METAP2: variants seen among roughly 807,000 people sequenced by gnomAD.
The protein encoded by METAP2 is methionine aminopeptidase 2.
A neutral mutation model predicts 59.4 loss-of-function variants in METAP2; 25 were observed. The ratio of observed to expected loss-of-function variants is 0.42; its 90% CI spans 0.31 to 0.59. METAP2 has a LOEUF of 0.59. Among genes scored for constraint, METAP2 ranks in the 20% least tolerant of loss-of-function variants. METAP2 has a pLI of 0.16. For synonymous variants in METAP2, 214 were observed against 194.1 expected (o/e 1.10, Z -0.85); for missense variants, 366 against 581.2 (o/e 0.63, Z 3.81).
At chr12:95,488,339 A>C (rs1255666343) in intron 4 of METAP2, among the ~76,000 whole-genome samples, 1 of 151,412 alleles carries the variant, frequency 6.6e-6, no homozygotes, top group Non-Finnish European at 1.5e-5. Flanking sequence ...GTCTCTACTA[A>C]AAATAAAAAA....
chr12:95,478,806 A>G (rs1462966037), intron 2 of METAP2, among the ~76,000 whole-genome samples: 4 of 152,168 alleles, frequency 2.6e-5, no homozygotes, highest in African/African-American at 9.6e-5. Flanking sequence ...AAACCAAACA[A>G]AGGAACTATT....
intron 3 of METAP2, 140 bp downstream of exon 3, chr12:95,483,420 A>G (rs2076173627): frequency 3.5e-6 from 2 of 577,316 alleles, no homozygotes; most frequent in East Asian, 3.1e-5. Context: ...AGATTGCAGT[A>G]AGCTGAGATT....
At position 95,494,119 on chromosome 12, in the gene METAP2, G is replaced by T. The variant is rs147951626; in HGVS notation, c.492G>T (p.Glu164Asp). Residue 164 changes from glutamate to aspartate, a missense_variant, in exon 5 of 11, where the codon GAG (glutamate) becomes GAT (aspartate). By Grantham distance (45) the Glu-to-Asp change is conservative (BLOSUM62 2). This residue lies in a region of METAP2 where 106 missense variants were observed against 221.9 expected (regional missense o/e 0.48). Coordinates refer to ENST00000323666, the MANE Select transcript of METAP2 (RefSeq NM_006838.4). ...EKKALDQASE[E>D]IWNDFREAAE... ...AAGCATTAGATCAGGCAAGTGAAGA[G>T]ATTTGGAATGATTTTCGAGAAGCTG... is the stretch of plus-strand genomic sequence containing the variant. 2.8e-4 allele frequency: 445 copies of T among 1,614,026 alleles called. 2 individuals carry two copies. In the East Asian group the frequency reaches 8.2e-3, roughly 30 times the overall value.
At chr12:95,486,993 C>T (rs1298930776) in intron 4 of METAP2, among the ~76,000 whole-genome samples, 2 of 152,208 alleles carry the variant, frequency 1.3e-5, no homozygotes, top group African/African-American at 2.4e-5. Context: ...CCAGTTCTGA[C>T]ATTTATTAGC....
At chr12:95,512,434 C>T (rs892927348) in intron 9 of METAP2, among the ~76,000 whole-genome samples, 3 of 152,164 alleles carry the variant, frequency 2.0e-5, no homozygotes, top group African/African-American at 4.8e-5. Flanking sequence ...AGGCCAGGCT[C>T]GGTAGCTCAG....
intron 8 of METAP2, among the ~76,000 whole-genome samples, chr12:95,506,550 C>T (rs999184933): frequency 5.9e-5 from 9 of 152,052 alleles, no homozygotes; most frequent in Admixed American, 2.0e-4. Flanking sequence ...CCGCCCGCCT[C>T]GGCTTCCCAC....
chr12:95,482,183 C>T (rs1458553643), intron 2 of METAP2: 2 of 452,930 alleles, frequency 4.4e-6, no homozygotes, highest in South Asian at 1.6e-5. Context: ...GATCTCAGCT[C>T]ACTGCAGCCT....
chr12:95,498,402 C>A (rs1004892301), intron 7 of METAP2, among the ~76,000 whole-genome samples: 1 of 151,992 alleles, frequency 6.6e-6, no homozygotes, highest in African/African-American at 2.4e-5. Flanking sequence ...CCTTTTTACT[C>A]CGGATATTGT....
At chr12:95,477,839 T>G (rs1302083222) in intron 2 of METAP2, among the ~76,000 whole-genome samples, 1 of 152,214 alleles carries the variant, frequency 6.6e-6, no homozygotes, top group African/African-American at 2.4e-5. Flanking sequence ...GTGCCAAGAT[T>G]CAAGGGAATT....
In METAP2 at chr12:95,512,930, C is replaced by T. The variant is rs200820149; in HGVS notation, c.1184+14C>T. 4.3e-5 allele frequency: 63 copies of T among 1,468,202 alleles called. No individual in the cohort carries two copies. Among genetic ancestry groups the T allele is most frequent in the Non-Finnish European group, 5.3e-5 (56 of 1,051,450 alleles). 90.9% of individuals were successfully genotyped at this position (1,468,202 alleles called of 1,614,324 possible). A position where few individuals can be genotyped will look rare whatever the true frequency, so the allele number is the denominator to read the frequency against. On this transcript the variant is annotated intron_variant, in intron 10 of 10. Transcript: ENST00000323666. ...TGTGCCAATAAGGTGAGAGACGAGACGATTGATTTTATGTGGCTAATTAGC... is the reference window on the plus strand; with the variant it reads ...TGTGCCAATAAGGTGAGAGACGAGATGATTGATTTTATGTGGCTAATTAGC...
At chr12:95,496,190 CT>C (rs1412896299) in intron 7 of METAP2, 92 bp downstream of exon 7, 2 of 727,232 alleles carry the variant, frequency 2.8e-6, no homozygotes, top group Non-Finnish European at 2.3e-6. Context: ...CTTTTAAGGC[CT>C]GTTTAAGGGC....
rs1186527236 is a variant in METAP2 at position 95,515,592 on chromosome 12, A to G, written c.*1688A>G. 2 of 152,226 alleles carry G rather than the reference A, an allele frequency of 1.3e-5. No individual in the cohort carries two copies. The allele number at this position is 152,226 out of a possible 1,614,324, so 9.4% of individuals were successfully genotyped here. A position where few individuals can be genotyped will look rare whatever the true frequency, so the allele number is the denominator to read the frequency against. On this transcript the variant is annotated 3_prime_UTR_variant, in exon 11 of 11. Transcript: ENST00000323666. The stretch of plus-strand genomic sequence containing the variant: ...CCTTGGCAGTCATGATCTCAAACCA[A>G]TTAGGAGCTCCAAGCTCCCTTCCCA...
At chr12:95,506,373 G>A (rs566944681) in intron 8 of METAP2, among the ~76,000 whole-genome samples, 91 of 142,772 alleles carry the variant, frequency 6.4e-4, no homozygotes, top group African/African-American at 2.2e-3. Flanking sequence ...CTTGGTTCAC[G>A]GCAACCTCCG....
intron 1 of METAP2, among the ~76,000 whole-genome samples, chr12:95,475,573 G>A (rs1458237063): frequency 6.6e-6 from 1 of 152,122 alleles, no homozygotes; most frequent in Non-Finnish European, 1.5e-5. Flanking sequence ...CCAGAGCAGG[G>A]GCCTGGTCTT....
intron 1 of METAP2, 112 bp downstream of exon 1, chr12:95,474,442 C>T (rs1330518515): frequency 8.4e-7 from 1 of 1,191,592 alleles, no homozygotes; most frequent in African/African-American, 1.5e-5. Context: ...TAGACTGATT[C>T]TTGGGCCTGA....
intron 8 of METAP2, among the ~76,000 whole-genome samples, chr12:95,509,014 G>A (rs913199002): frequency 1.3e-5 from 2 of 152,094 alleles, no homozygotes; most frequent in African/African-American, 4.8e-5. Context: ...AAAACACATA[G>A]CACAAACGGG....
chr12:95,500,640 G>A (rs1443429644), intron 7 of METAP2, among the ~76,000 whole-genome samples: 1 of 152,170 alleles, frequency 6.6e-6, no homozygotes, highest in Admixed American at 6.5e-5. Flanking sequence ...AATTCAGACA[G>A]TCATATGGTT....
At chr12:95,484,947 T>A (rs895701373) in intron 3 of METAP2, 5 of 446,590 alleles carry the variant, frequency 1.1e-5, no homozygotes, top group African/African-American at 1.0e-4. Flanking sequence ...ATTTTTTATA[T>A]CCTGGTAGAC....
At chr12:95,507,716 GA>G (rs911515264) in intron 8 of METAP2, among the ~76,000 whole-genome samples, 1 of 151,700 alleles carries the variant, frequency 6.6e-6, no homozygotes, top group Non-Finnish European at 1.5e-5. Context: ...CTCTCAGTGT[GA>G]AAGCACATGT....
Sources: allele counts gnomAD v4.1 joint callset (sites outside exome capture counted in the v4.1 genomes callset), GRCh38; gene constraint gnomAD v4.1.1; regional missense constraint gnomAD v4.1.1; transcripts MANE v1.5; gene names NCBI Gene and HGNC (gene_info 2026-07-23, HGNC 2026-07-21).